The following SCHIP1 variants were observed in gnomAD, a reference collection of about 807,000 sequenced individuals.
The protein encoded by SCHIP1 is schwannomin interacting protein 1.
SCHIP1 carries 8 observed loss-of-function variants against 29.7 expected under a neutral mutation model. The observed-to-expected ratio is 0.27, with a 90% CI of 0.16 to 0.49. The LOEUF is 0.49. Among genes scored for constraint, SCHIP1 ranks in the 20% least tolerant of loss-of-function variants. The probability of loss-of-function intolerance (pLI) is 0.99; values close to 1 mark genes in which losing one functional copy is unlikely to be tolerated. For synonymous variants in SCHIP1, 76 were observed against 94.9 expected, an observed-to-expected ratio of 0.80 and a Z score of 1.16; for missense variants, 193 against 294.6, an observed-to-expected ratio of 0.66 and a Z score of 2.52.
chr3:159,468,757 A>C, the SCHIP1 span, among the ~76,000 whole-genome samples: 1 of 90,466 alleles, frequency 1.1e-5, no homozygotes, highest in Admixed American at 9.7e-5. Flanking sequence ...ATATAATATA[A>C]TATATATATA....
chr3:159,697,300 T>C, the SCHIP1 span, among the ~76,000 whole-genome samples: 1 of 152,068 alleles, frequency 6.6e-6, no homozygotes, highest in Non-Finnish European at 1.5e-5. Flanking sequence ...TAGATTTAGG[T>C]AGTTTGGGGT....
intron 4 of SCHIP1, chr3:159,888,415 T>C (rs1273642216): frequency 5.0e-6 from 1 of 201,210 alleles, no homozygotes; most frequent in Non-Finnish European, 1.0e-5. Flanking sequence ...CAGAGTATGA[T>C]TGTGAGGATT....
chr3:159,765,020 C>T, the SCHIP1 span: 1 of 1,540,186 alleles, frequency 6.5e-7, no homozygotes, highest in South Asian at 1.2e-5. Flanking sequence ...ACGTGCGTCC[C>T]CGAAGAGCCC....
chr3:159,694,609 G>GA, the SCHIP1 span, among the ~76,000 whole-genome samples: 25 of 140,498 alleles, frequency 1.8e-4, 1 homozygote, highest in African/African-American at 7.0e-4. Context: ...AGAAAGAAAG[G>GA]AATTATGACC....
the SCHIP1 span, among the ~76,000 whole-genome samples, chr3:159,390,461 T>C: frequency 6.6e-6 from 1 of 152,128 alleles, no homozygotes; most frequent in African/African-American, 2.4e-5. Context: ...TGTGTCATCT[T>C]ATCTCAAGGT....
At chr3:159,508,678 T>C in the SCHIP1 span, among the ~76,000 whole-genome samples, 1 of 152,162 alleles carries the variant, frequency 6.6e-6, no homozygotes, top group Non-Finnish European at 1.5e-5. Context: ...TCTTTGTTTT[T>C]GTTGGTTTCA....
At chr3:159,552,917 G>T in the SCHIP1 span, among the ~76,000 whole-genome samples, 2 of 152,124 alleles carry the variant, frequency 1.3e-5, no homozygotes, top group Non-Finnish European at 2.9e-5. Context: ...TAATGTTGCT[G>T]AGGAGTAAAG....
At chr3:159,383,847 G>A in the SCHIP1 span, among the ~76,000 whole-genome samples, 4,574 of 151,042 alleles carry the variant, frequency 0.03, 255 homozygotes, top group African/African-American at 0.11. Flanking sequence ...TGGATTCCTA[G>A]GTATTTTATT....
chr3:159,619,828 A>G, the SCHIP1 span, among the ~76,000 whole-genome samples: 1 of 152,148 alleles, frequency 6.6e-6, no homozygotes, highest in African/African-American at 2.4e-5. Context: ...GTGTAACATC[A>G]TATATTAGAG....
At chr3:159,656,076 A>G in the SCHIP1 span, among the ~76,000 whole-genome samples, 8 of 152,280 alleles carry the variant, frequency 5.3e-5, no homozygotes, top group African/African-American at 1.9e-4. Context: ...TCAGGGAAGA[A>G]CAGATGTTTC....
chr3:159,748,323 C>T, the SCHIP1 span, among the ~76,000 whole-genome samples: 956 of 152,240 alleles, frequency 6.3e-3, 5 homozygotes, highest in African/African-American at 0.022. Context: ...AACTCTTCTA[C>T]GTTAGCAAGT....
the SCHIP1 span, among the ~76,000 whole-genome samples, chr3:159,793,922 C>T: frequency 6.6e-6 from 1 of 152,218 alleles, no homozygotes; most frequent in African/African-American, 2.4e-5. Context: ...CCCCACTTCA[C>T]TCTGACTTCT....
chr3:159,715,333 C>T, the SCHIP1 span, among the ~76,000 whole-genome samples: 18 of 152,298 alleles, frequency 1.2e-4, no homozygotes, highest in South Asian at 6.2e-4. Context: ...AAAATCGGAG[C>T]GCCTCTAATC....
intron 2 of SCHIP1, among the ~76,000 whole-genome samples, chr3:159,883,744 A>G (rs1716679684): frequency 6.6e-6 from 1 of 152,190 alleles, no homozygotes; most frequent in Non-Finnish European, 1.5e-5. Context: ...ACCCTATAAG[A>G]AGCTCTCTTC....
the SCHIP1 span, among the ~76,000 whole-genome samples, chr3:159,418,686 C>T: frequency 2.0e-5 from 3 of 152,174 alleles, no homozygotes; most frequent in Non-Finnish European, 2.9e-5. Flanking sequence ...GAAGTTATAT[C>T]CTCAAGGTCA....
At chr3:159,432,627 C>A in the SCHIP1 span, among the ~76,000 whole-genome samples, 20 of 152,032 alleles carry the variant, frequency 1.3e-4, no homozygotes, top group African/African-American at 4.8e-4. Flanking sequence ...GAATCTCACA[C>A]TGGAGATGTT....
chr3:159,892,126 C>G (rs1577505120), exon 6 of SCHIP1: 7 of 1,613,982 alleles, frequency 4.3e-6, no homozygotes, highest in Non-Finnish European at 5.9e-6. Flanking sequence ...CCAGCTGCTT[C>G]TCATCCGAGA....
chr3:159,338,114 G>A, the SCHIP1 span, among the ~76,000 whole-genome samples: 1 of 152,116 alleles, frequency 6.6e-6, no homozygotes, highest in East Asian at 1.9e-4. Flanking sequence ...TGGGGATACG[G>A]CAGTGAACAA....
intron 1 of SCHIP1, among the ~76,000 whole-genome samples, chr3:159,849,103 AT>A (rs1357510592): frequency 1.3e-5 from 2 of 152,222 alleles, no homozygotes; most frequent in Non-Finnish European, 2.9e-5. Flanking sequence ...GTCTTTTAGT[AT>A]TCTCAGTACT....
Sources: allele counts gnomAD v4.1 joint callset (sites outside exome capture counted in the v4.1 genomes callset), GRCh38; gene constraint gnomAD v4.1.1; transcripts MANE v1.5; gene names NCBI Gene and HGNC (gene_info 2026-07-23, HGNC 2026-07-21).